DHDH: variants seen among roughly 807,000 people sequenced by gnomAD.
DHDH encodes the protein dihydrodiol dehydrogenase, also known as trans-1,2-dihydrobenzene-1,2-diol dehydrogenase.
Under a neutral mutation model 33.2 loss-of-function variants are expected in DHDH, and 29 were observed. That is an observed-to-expected ratio of 0.87 (90% CI 0.65 to 1.19). The LOEUF (loss-of-function observed/expected upper bound fraction) is 1.19, where lower values mean the gene tolerates loss of function less well. DHDH is among the 50% of genes most tolerant of loss of function. The probability of loss-of-function intolerance (pLI) is 0.00; values close to 1 mark genes in which losing one functional copy is unlikely to be tolerated. For missense variants in DHDH, 431 were observed against 455.0 expected, an observed-to-expected ratio of 0.95 and a Z score of 0.48; for synonymous variants, 201 against 187.9, an observed-to-expected ratio of 1.07 and a Z score of -0.57.
upstream of DHDH, among the ~76,000 whole-genome samples, chr19:48,932,883 T>G (rs1024173657): frequency 6.6e-6 from 1 of 152,116 alleles, no homozygotes; most frequent in Non-Finnish European, 1.5e-5. Context: ...CACAACCCTA[T>G]GTAGGTAGAT....
chr19:48,933,398 C>A (rs1216470403), upstream of DHDH, among the ~76,000 whole-genome samples: 1 of 152,204 alleles, frequency 6.6e-6, no homozygotes, highest in Admixed American at 6.5e-5. Context: ...ATCTAACTCT[C>A]AAGGATTGGT....
At chr19:48,939,761 C>G in intron 4 of DHDH, 60 bp downstream of exon 4, 1 of 1,519,536 alleles carries the variant, frequency 6.6e-7, no homozygotes, top group Middle Eastern at 1.8e-4. Flanking sequence ...TCTGGGAGCA[C>G]TGAACTGAGG....
At chr19:48,941,985 C>CATGT (rs978940043) in intron 4 of DHDH, among the ~76,000 whole-genome samples, 90 of 132,236 alleles carry the variant, frequency 6.8e-4, no homozygotes, top group Middle Eastern at 7.4e-3. Context: ...GACTGTACTT[C>CATGT]GTGTGTGTGT....
chr19:48,936,129 CG>C lies in DHDH; in HGVS notation c.301del (p.Val101Ter), dbSNP rs761689372. On this transcript the variant is annotated frameshift_variant, in exon 3 of 7. Coordinates refer to ENST00000221403, the MANE Select transcript of DHDH (RefSeq NM_014475.4). LOFTEE classifies it high-confidence loss of function. ...KAVLCEKPTG[V>X]NAAEVREMVA... The stretch of plus-strand genomic sequence containing the variant: ...CCGTTCTGTGCGAGAAGCCCACGGG[CG>C]TGAACGCGGCGGAAGTTCGCGAGAT... The C allele has an allele frequency of 1.0e-4, 166 of 1,610,420 alleles. No individual in the cohort carries two copies. Among genetic ancestry groups the C allele is most frequent in the Non-Finnish European group, 1.3e-4 (159 of 1,179,156 alleles).
At position 48,944,862 on chromosome 19, in the gene DHDH, G is replaced by A; in HGVS notation, c.934G>A (p.Glu312Lys). 1.2e-6 allele frequency: 2 copies of A among 1,614,024 alleles called. No homozygotes were observed. Among genetic ancestry groups the A allele is most frequent in the Non-Finnish European group, 1.7e-6 (2 of 1,180,022 alleles). Reference sequence around the variant, plus strand: ...TCCTGTGATTCCCCTGTCGGAAAGTGAGCTCCTGGCTGACATCCTTGAAGA... The same window carrying A: ...TCCTGTGATTCCCCTGTCGGAAAGTAAGCTCCTGGCTGACATCCTTGAAGA... ...ESPVIPLSES[E>K]LLADILEEVR... Residue 312 changes from glutamate to lysine, a missense_variant, in exon 7 of 7, where the codon GAG becomes AAG. By Grantham distance (56) the Glu-to-Lys change is moderately conservative (BLOSUM62 1). Transcript: ENST00000221403.
At chr19:48,940,966 C>T (rs1444500114) in intron 4 of DHDH, among the ~76,000 whole-genome samples, 1 of 149,986 alleles carries the variant, frequency 6.7e-6, no homozygotes, top group Admixed American at 6.6e-5. Flanking sequence ...ACAGGTGTGG[C>T]CACCGCCCCC....
At chr19:48,937,790 C>T (rs1466180657) in intron 3 of DHDH, among the ~76,000 whole-genome samples, 2 of 139,692 alleles carry the variant, frequency 1.4e-5, no homozygotes, top group African/African-American at 2.7e-5. Context: ...CCAGCCTGGA[C>T]GACAAGAGCG....
rs73575959 is a variant in DHDH, at chr19:48,943,012, G to A, written c.744+448G>A. 8.2e-3 allele frequency among the ~76,000 whole-genome samples: 1,223 copies of A among 148,716 alleles called. 16 individuals are homozygous for A. Among genetic ancestry groups the A allele is most frequent in the African/African-American group, 0.028 (1,144 of 40,284 alleles). ...GGAGGTTGCAGTGAGTTGAGATTACGCCATTACATTCCAGCCTGGGTGATA... is the reference window on the plus strand; with the variant it reads ...GGAGGTTGCAGTGAGTTGAGATTACACCATTACATTCCAGCCTGGGTGATA... On this transcript the variant is annotated intron_variant, in intron 5 of 6. Coordinates refer to ENST00000221403, the MANE Select transcript of DHDH (RefSeq NM_014475.4).
intron 5 of DHDH, among the ~76,000 whole-genome samples, chr19:48,943,593 G>C (rs990273591): frequency 1.3e-5 from 2 of 151,956 alleles, no homozygotes; most frequent in African/African-American, 4.8e-5. Flanking sequence ...TGGCAGCCCA[G>C]AGCGGGTGGA....
At position 48,944,138 on chromosome 19, in the gene DHDH, G is replaced by T. The variant is rs191264605; in HGVS notation, c.745-219G>T. On this transcript the variant is annotated intron_variant, in intron 5 of 6. Transcript: ENST00000221403. Reference sequence around the variant, plus strand: ...TTAGGGAGAGGTTTGCTCCTGGGGAGACAGACAGGATTTTTGTGTCACATC... The same window carrying T: ...TTAGGGAGAGGTTTGCTCCTGGGGATACAGACAGGATTTTTGTGTCACATC... 2.0e-3 allele frequency among the ~76,000 whole-genome samples: 311 copies of T among 152,246 alleles called. 1 individual carries two copies. The highest frequency in any genetic ancestry group is 7.4e-3 in the African/African-American group (306 of 41,556).
rs538993429 is a variant in DHDH at position 48,942,108 on chromosome 19, C to T, written c.620-332C>T. On this transcript the variant is annotated intron_variant, in intron 4 of 6. Coordinates refer to ENST00000221403, the MANE Select transcript of DHDH (RefSeq NM_014475.4). ...CTTCAAGCTCCGCCTCCCACGTTCA[C>T]GCCATTCTCCTGCCTCAGCCTCCCG... is the stretch of plus-strand genomic sequence containing the variant. 4.6e-5 allele frequency among the ~76,000 whole-genome samples: 7 copies of T among 151,972 alleles called. No homozygotes were observed. The East Asian group carries it at 1.2e-3, about 25-fold the overall frequency.
At position 48,942,587 on chromosome 19, in the gene DHDH, G is replaced by A. The variant is rs367563047; in HGVS notation, c.744+23G>A. On this transcript the variant is annotated intron_variant, in intron 5 of 6. Transcript: ENST00000221403. ...CAGGTGAGGCATGGCGGGCCCAAGC[G>A]CTGGGGATCGTGCCCCTAAAATAGG... The A allele has an allele frequency of 3.0e-4, 475 of 1,603,122 alleles. 1 individual carries two copies. Among genetic ancestry groups the A allele is most frequent in the Middle Eastern group, 5.0e-4 (3 of 6,020 alleles).
intron 2 of DHDH, among the ~76,000 whole-genome samples, chr19:48,935,329 G>A (rs925850295): frequency 6.6e-6 from 1 of 152,138 alleles, no homozygotes; most frequent in African/African-American, 2.4e-5. Context: ...CCTCGGCAAC[G>A]TAGCAAGACC....
chr19:48,939,905 C>T (rs773894560), intron 4 of DHDH, among the ~76,000 whole-genome samples: 4 of 152,152 alleles, frequency 2.6e-5, no homozygotes, highest in Non-Finnish European at 4.4e-5. Context: ...AGCCAGCAGA[C>T]TTAACATCTC....
rs757900117 is a variant in DHDH at position 48,939,693 on chromosome 19, A to T, written c.611A>T (p.His204Leu). 6.2e-7 allele frequency: 1 copy of T among 1,600,186 alleles called. No homozygotes were observed. Among genetic ancestry groups the T allele is most frequent in the Non-Finnish European group, 8.5e-7 (1 of 1,169,710 alleles). Residue 204 changes from histidine (H) to leucine (L), a missense_variant, in exon 4 of 7, where the codon CAT (histidine) becomes CTT (leucine). By Grantham distance (99) the His-to-Leu change is moderately conservative. Transcript: ENST00000221403. ...AAGATTTCTGTCGTGGGAAGGCGTC[A>T]TGAAACAGGTACCATCTATCCTGGA... ...PEKISVVGRRHETGVDDTVTV... is the reference protein window; with the variant it reads ...PEKISVVGRRLETGVDDTVTV...
chr19:48,938,107 GT>G (rs1288862036), intron 3 of DHDH, among the ~76,000 whole-genome samples: 5 of 151,946 alleles, frequency 3.3e-5, no homozygotes, highest in African/African-American at 1.2e-4. Flanking sequence ...TGTCATTGTT[GT>G]TGTTTTTGAG....
chr19:48,934,249 G>A (rs2037741665), intron 1 of DHDH, among the ~76,000 whole-genome samples: 1 of 152,180 alleles, frequency 6.6e-6, no homozygotes, highest in South Asian at 2.1e-4. Context: ...ATTAACCAGG[G>A]GCACATTGCA....
intron 3 of DHDH, 108 bp downstream of exon 3, chr19:48,936,303 C>A: frequency 7.3e-7 from 1 of 1,374,070 alleles, no homozygotes; most frequent in South Asian, 1.5e-5. Context: ...GTATCTGAAT[C>A]TCCTTGGCAG....
At chr19:48,937,133 T>G (rs973487484) in intron 3 of DHDH, among the ~76,000 whole-genome samples, 1 of 150,662 alleles carries the variant, frequency 6.6e-6, no homozygotes, top group African/African-American at 2.5e-5. Context: ...CCCCTTAGCC[T>G]TGTAAAGTCA....
Sources: gnomAD v4.1 joint callset for allele counts (sites outside exome capture counted in the v4.1 genomes callset) on GRCh38, gnomAD v4.1.1 for gene constraint, MANE v1.5 for transcripts, NCBI Gene and HGNC (gene_info 2026-07-23, HGNC 2026-07-21) for gene names.